LRRTM4: variants seen among roughly 807,000 people sequenced by gnomAD.
LRRTM4 encodes the protein leucine rich repeat transmembrane neuronal 4.
In LRRTM4, 25 loss-of-function variants were observed where a neutral mutation model predicts 47.6. The ratio of observed to expected loss-of-function variants is 0.53; its 90% CI spans 0.38 to 0.73. The LOEUF (loss-of-function observed/expected upper bound fraction) is 0.73. Among genes scored for constraint, LRRTM4 ranks in the 30% least tolerant of loss-of-function variants. LRRTM4 has a pLI of 0.00. For synonymous variants in LRRTM4, 311 were observed against 269.5 expected, an observed-to-expected ratio of 1.15 and a Z score of -1.51; for missense variants, 638 against 713.4, an observed-to-expected ratio of 0.89 and a Z score of 1.20.
chr2:76,937,916 T>C (rs1259254711), intron 3 of LRRTM4, among the ~76,000 whole-genome samples: 1 of 152,138 alleles, frequency 6.6e-6, no homozygotes, highest in East Asian at 1.9e-4. Context: ...AATTGCATAG[T>C]ATCCTTAGAT....
intron 3 of LRRTM4, among the ~76,000 whole-genome samples, chr2:77,054,427 T>C (rs1180336416): frequency 6.6e-6 from 1 of 152,154 alleles, no homozygotes; most frequent in East Asian, 1.9e-4. Context: ...GCTAGACAAA[T>C]ACTTCTCCAC....
chr2:77,065,763 C>A (rs563280112), intron 3 of LRRTM4, among the ~76,000 whole-genome samples: 3 of 152,096 alleles, frequency 2.0e-5, no homozygotes, highest in South Asian at 2.1e-4. Flanking sequence ...AGTCTCCCCC[C>A]ATTAGTTAAC....
intron 3 of LRRTM4, among the ~76,000 whole-genome samples, chr2:77,286,501 G>C (rs2104114515): frequency 6.6e-6 from 1 of 151,574 alleles, no homozygotes; most frequent in South Asian, 2.1e-4. Context: ...CTAACATTTT[G>C]GCCTTTAAGC....
chr2:76,956,268 G>A (rs1418388750), intron 3 of LRRTM4, among the ~76,000 whole-genome samples: 1 of 151,264 alleles, frequency 6.6e-6, no homozygotes, highest in Non-Finnish European at 1.5e-5. Context: ...ACAGTGGAAG[G>A]AAACTAGAAA....
intron 3 of LRRTM4, among the ~76,000 whole-genome samples, chr2:77,020,762 C>A (rs1010933667): frequency 2.0e-5 from 3 of 152,172 alleles, no homozygotes; most frequent in African/African-American, 7.2e-5. Context: ...GAAATGGTAT[C>A]TCTCAGCGTA....
chr2:77,204,238 C>T (rs1427236466), intron 3 of LRRTM4, among the ~76,000 whole-genome samples: 1 of 152,124 alleles, frequency 6.6e-6, no homozygotes, highest in Non-Finnish European at 1.5e-5. Flanking sequence ...CTGTGAGCTT[C>T]ACTTGCTCAT....
chr2:77,025,630 A>AGTAAG (rs1271846897), intron 3 of LRRTM4, among the ~76,000 whole-genome samples: 1 of 152,154 alleles, frequency 6.6e-6, no homozygotes, highest in Non-Finnish European at 1.5e-5. Flanking sequence ...ACAATAGCTT[A>AGTAAG]GTAAGTGACT....
At chr2:77,327,641 T>G (rs916672935) in intron 3 of LRRTM4, among the ~76,000 whole-genome samples, 12 of 152,184 alleles carry the variant, frequency 7.9e-5, no homozygotes, top group African/African-American at 2.9e-4. Context: ...TTGAGACTGA[T>G]GTTATTTGTT....
At chr2:77,427,726 A>T (rs1573399620) in intron 3 of LRRTM4, among the ~76,000 whole-genome samples, 1 of 152,194 alleles carries the variant, frequency 6.6e-6, no homozygotes, top group East Asian at 1.9e-4. Flanking sequence ...GGATTTGGGG[A>T]CATACAATCT....
At chr2:76,855,104 C>T (rs899144413) in intron 3 of LRRTM4, among the ~76,000 whole-genome samples, 12 of 152,100 alleles carry the variant, frequency 7.9e-5, no homozygotes. Context: ...GCGGAGCATT[C>T]CAGGCAGAGG....
At chr2:77,034,582 T>C (rs1051125160) in intron 3 of LRRTM4, among the ~76,000 whole-genome samples, 2 of 151,944 alleles carry the variant, frequency 1.3e-5, no homozygotes, top group Non-Finnish European at 2.9e-5. Flanking sequence ...GTCTGGAGTT[T>C]GTTGATTTCA....
intron 3 of LRRTM4, among the ~76,000 whole-genome samples, chr2:77,087,749 T>C (rs1324249348): frequency 1.3e-5 from 2 of 152,162 alleles, no homozygotes; most frequent in South Asian, 4.1e-4. Flanking sequence ...CAAAGGTACA[T>C]AGCATTATCA....
chr2:77,089,165 CA>C (rs1244867729), intron 3 of LRRTM4, among the ~76,000 whole-genome samples: 1 of 147,462 alleles, frequency 6.8e-6, no homozygotes, highest in East Asian at 2.1e-4. Context: ...GCAAATACCC[CA>C]ACCCCTTCTC....
intron 3 of LRRTM4, among the ~76,000 whole-genome samples, chr2:77,108,290 G>A (rs1175355528): frequency 1.3e-5 from 2 of 152,006 alleles, no homozygotes; most frequent in Non-Finnish European, 2.9e-5. Context: ...GGCAGTGGGG[G>A]AGGAAGAAAA....
chr2:77,332,493 G>T (rs2104254132), intron 3 of LRRTM4, among the ~76,000 whole-genome samples: 1 of 152,272 alleles, frequency 6.6e-6, no homozygotes, highest in South Asian at 2.1e-4. Context: ...GATAATATGA[G>T]AATTGGTCAT....
Position 77,313,389 on chromosome 2 carries a change from G to GGGA in LRRTM4, c.1551+204928_1551+204929insTCC, listed in dbSNP as rs1321338117. ...CTACCCTTCCCTGGGACCTGGTGCT[G>GGGA]TGATGTGCCTCCCTACGTTTTCCTG... On this transcript the variant is annotated intron_variant, in intron 3 of 3. Coordinates refer to ENST00000409884, the MANE Select transcript of LRRTM4 (RefSeq NM_001134745.3). 1.8e-4 allele frequency among the ~76,000 whole-genome samples: 27 copies of GGGA among 151,454 alleles called. 1 individual carries two copies. The highest frequency in any genetic ancestry group is 3.4e-4 in the African/African-American group (14 of 41,204).
At chr2:76,836,487 A>G (rs994761959) in intron 3 of LRRTM4, among the ~76,000 whole-genome samples, 4 of 151,498 alleles carry the variant, frequency 2.6e-5, no homozygotes, top group African/African-American at 7.3e-5. Context: ...GTTTTCTTTC[A>G]TATATCTCTC....
intron 3 of LRRTM4, among the ~76,000 whole-genome samples, chr2:76,924,263 A>C (rs1674521096): frequency 6.6e-6 from 1 of 152,110 alleles, no homozygotes; most frequent in African/African-American, 2.4e-5. Context: ...GACTGGAACT[A>C]AGGTACTGAA....
intron 3 of LRRTM4, among the ~76,000 whole-genome samples, chr2:77,494,092 A>T (rs1039191891): frequency 8.5e-5 from 13 of 152,150 alleles, no homozygotes; most frequent in Non-Finnish European, 1.8e-4. Context: ...GATAAAATTT[A>T]TATTTATTAT....
Sources: gnomAD v4.1 joint callset for allele counts (sites outside exome capture counted in the v4.1 genomes callset) on GRCh38, gnomAD v4.1.1 for gene constraint, MANE v1.5 for transcripts, NCBI Gene and HGNC (gene_info 2026-07-23, HGNC 2026-07-21) for gene names.